The following SPIDR variants were observed in gnomAD, a reference collection of about 807,000 sequenced individuals.
The protein encoded by SPIDR is scaffold protein involved in DNA repair, also known as DNA repair-scaffolding protein.
In SPIDR, 93 loss-of-function variants were observed where a neutral mutation model predicts 104.6. The observed-to-expected ratio is 0.89, with a 90% CI of 0.75 to 1.06. The LOEUF is 1.06. SPIDR is among the 50% of genes least tolerant of loss of function. SPIDR has a pLI of 0.00. For missense variants in SPIDR, 1,154 were observed against 1,111.2 expected, an observed-to-expected ratio of 1.04 and a Z score of -0.55; for synonymous variants, 431 against 416.9, an observed-to-expected ratio of 1.03 and a Z score of -0.41.
At chr8:47,330,408 G>A (rs372948195) in intron 5 of SPIDR, among the ~76,000 whole-genome samples, 17 of 152,210 alleles carry the variant, frequency 1.1e-4, no homozygotes, top group African/African-American at 3.6e-4. Flanking sequence ...AATTCTTGGC[G>A]TTGTATATTC....
intron 8 of SPIDR, among the ~76,000 whole-genome samples, chr8:47,533,845 G>A (rs1434087974): frequency 1.3e-5 from 2 of 152,198 alleles, no homozygotes; most frequent in African/African-American, 2.4e-5. Flanking sequence ...CAGCCATTGT[G>A]GAAAGCAGTA....
At chr8:47,598,474 G>A (rs532811001) in intron 9 of SPIDR, among the ~76,000 whole-genome samples, 1 of 152,348 alleles carries the variant, frequency 6.6e-6, no homozygotes, top group East Asian at 1.9e-4. Flanking sequence ...TACGTAAGGG[G>A]TTGTTGGGAG....
Position 47,735,798 on chromosome 8 carries a change from A to T in SPIDR, c.*348A>T. On this transcript the variant is annotated 3_prime_UTR_variant, in exon 20 of 20. Transcript: ENST00000297423. ...TTAACAAGTTGAACATTTTACCATG[A>T]TTGAACATGTTTTTATTACAGTATT... is the stretch of plus-strand genomic sequence containing the variant. The T allele has an allele frequency of 2.1e-6, 1 of 467,220 alleles. No homozygotes were observed. The highest frequency in any genetic ancestry group is 3.8e-6 in the Non-Finnish European group (1 of 261,502). The allele number at this position is 467,220 out of a possible 1,614,324, so 28.9% of individuals were successfully genotyped here. A position where few individuals can be genotyped will look rare whatever the true frequency, so the allele number is the denominator to read the frequency against.
rs561494274 is a variant in SPIDR at position 47,362,359 on chromosome 8, AATGAGTCCTCCT to A, written c.526-34013_526-34002del. On this transcript the variant is annotated intron_variant, in intron 5 of 19. Transcript: ENST00000297423. ...TTGCTTACTACTGGGAGTCAGGACT[AATGAGTCCTCCT>A]ATGCATCCTGTGGCTCGGAAGGCTG... Among the ~76,000 whole-genome samples, 107 of 152,314 alleles carry A rather than the reference AATGAGTCCTCCT, an allele frequency of 7.0e-4. 1 individual carries two copies. In the East Asian group the frequency reaches 0.019, roughly 28 times the overall value.
chr8:47,701,726 A>C lies in SPIDR; in HGVS notation c.1779A>C (p.Lys593Asn). ...CCTTTGTCTCATTTAAACAGATAAA[A>C]ACTCATCTGCCTCCTCCAGCCTTGT... The part of the protein sequence containing the change: ...PGRDQPCEEI[K>N]THLPPPALCY... Residue 593 changes from lysine to asparagine, a missense_variant, in exon 13 of 20, where the codon AAA becomes AAC. Coordinates refer to ENST00000297423, the MANE Select transcript of SPIDR (RefSeq NM_001080394.4). 6.2e-7 allele frequency: 1 copy of C among 1,614,018 alleles called. No homozygotes were observed. The highest frequency in any genetic ancestry group is 8.5e-7 in the Non-Finnish European group (1 of 1,179,954).
At chr8:47,720,626 C>T (rs1033177234) in intron 16 of SPIDR, among the ~76,000 whole-genome samples, 1 of 152,144 alleles carries the variant, frequency 6.6e-6, no homozygotes, top group Non-Finnish European at 1.5e-5. Flanking sequence ...GATGATTTGT[C>T]TGTTCAAATC....
At chr8:47,447,236 C>T (rs1563997853) in intron 8 of SPIDR, among the ~76,000 whole-genome samples, 1 of 152,112 alleles carries the variant, frequency 6.6e-6, no homozygotes, top group African/African-American at 2.4e-5. Context: ...TTTTTTGAGA[C>T]AGAGTCTTGC....
intron 7 of SPIDR, among the ~76,000 whole-genome samples, chr8:47,437,695 T>C (rs1468016712): frequency 6.6e-6 from 1 of 151,816 alleles, no homozygotes; most frequent in Non-Finnish European, 1.5e-5. Context: ...TGAGATACCA[T>C]CTCACACCAG....
At chr8:47,529,047 C>T (rs1359726133) in intron 8 of SPIDR, among the ~76,000 whole-genome samples, 1 of 152,178 alleles carries the variant, frequency 6.6e-6, no homozygotes, top group Non-Finnish European at 1.5e-5. Flanking sequence ...AACATACCAC[C>T]TATAGCGGAA....
chr8:47,263,143 G>A (rs2032951572), intron 1 of SPIDR, among the ~76,000 whole-genome samples: 1 of 152,252 alleles, frequency 6.6e-6, no homozygotes, highest in Non-Finnish European at 1.5e-5. Flanking sequence ...AGGTCACACA[G>A]CAGTTAAGGG....
intron 5 of SPIDR, among the ~76,000 whole-genome samples, chr8:47,333,409 C>T (rs2049116092): frequency 6.6e-6 from 1 of 152,144 alleles, no homozygotes; most frequent in Admixed American, 6.5e-5. Context: ...TCAAGCAATT[C>T]TCCTGTCTCA....
chr8:47,485,075 G>A (rs1440952891), intron 8 of SPIDR, among the ~76,000 whole-genome samples: 2 of 152,212 alleles, frequency 1.3e-5, no homozygotes, highest in Non-Finnish European at 2.9e-5. Context: ...AAGTGCAAGG[G>A]GTCAGGGAAT....
intron 10 of SPIDR, among the ~76,000 whole-genome samples, chr8:47,645,745 A>T (rs1009621101): frequency 1.3e-5 from 2 of 152,200 alleles, no homozygotes; most frequent in Admixed American, 1.3e-4. Flanking sequence ...TTTCAAATCA[A>T]TAGGGAAAGA....
At chr8:47,450,558 G>A (rs1361996663) in intron 8 of SPIDR, among the ~76,000 whole-genome samples, 1 of 152,210 alleles carries the variant, frequency 6.6e-6, no homozygotes, top group Non-Finnish European at 1.5e-5. Flanking sequence ...CTCCTCAAAT[G>A]TGTACCAGTT....
chr8:47,734,768 G>A (rs2085894850), intron 19 of SPIDR, among the ~76,000 whole-genome samples: 2 of 152,164 alleles, frequency 1.3e-5, no homozygotes, highest in Admixed American at 6.5e-5. Flanking sequence ...ATCTGGAGAC[G>A]AAACTCACCT....
intron 8 of SPIDR, among the ~76,000 whole-genome samples, chr8:47,551,545 A>G (rs957493361): frequency 6.6e-6 from 1 of 152,068 alleles, no homozygotes; most frequent in African/African-American, 2.4e-5. Flanking sequence ...TAGATTTTCT[A>G]GTTTATTTGT....
At chr8:47,634,804 G>C (rs982442147) in intron 10 of SPIDR, among the ~76,000 whole-genome samples, 3 of 152,210 alleles carry the variant, frequency 2.0e-5, no homozygotes, top group Non-Finnish European at 4.4e-5. Context: ...AACCTTTGCT[G>C]ACTTAGCTTC....
intron 8 of SPIDR, chr8:47,511,610 C>T (rs1232241061): frequency 5.1e-6 from 4 of 789,474 alleles, no homozygotes; most frequent in Admixed American, 3.4e-5. Flanking sequence ...ACATGAACAT[C>T]TTGGTTGGAA....
At position 47,319,903 on chromosome 8, in the gene SPIDR, G is replaced by A. The variant is rs200561284; in HGVS notation, c.525+25873G>A. 2.2e-3 allele frequency among the ~76,000 whole-genome samples: 330 copies of A among 151,958 alleles called. 1 individual carries two copies. The highest frequency in any genetic ancestry group is 3.5e-3 in the Non-Finnish European group (237 of 68,008). ...AAGATGTTCTTGGAAACCAACGAGA[G>A]CAAAGACACAACATAACCAGAATCT... On this transcript the variant is annotated intron_variant, in intron 5 of 19. Coordinates refer to ENST00000297423, the MANE Select transcript of SPIDR (RefSeq NM_001080394.4).
Sources: allele counts gnomAD v4.1 joint callset (sites outside exome capture counted in the v4.1 genomes callset), GRCh38; gene constraint gnomAD v4.1.1; transcripts MANE v1.5; gene names NCBI Gene and HGNC (gene_info 2026-07-23, HGNC 2026-07-21).